The following PHACTR3 variants were observed in gnomAD, a reference collection of about 807,000 sequenced individuals.
The protein encoded by PHACTR3 is phosphatase and actin regulator 3, also known as protein phosphatase 1, regulatory subunit 123.
PHACTR3 carries 16 observed loss-of-function variants against 66.8 expected under a neutral mutation model. The observed-to-expected ratio is 0.24, with a 90% CI of 0.16 to 0.36. PHACTR3 has a LOEUF of 0.36. Among genes scored for constraint, PHACTR3 ranks in the 10% least tolerant of loss-of-function variants. PHACTR3 has a pLI of 1.00. For missense variants in PHACTR3, 647 were observed against 719.9 expected (o/e 0.90, Z 1.16); for synonymous variants, 323 against 292.1 (o/e 1.11, Z -1.08).
At chr20:59,579,338 C>G (rs2032800139) in intron 1 of PHACTR3, among the ~76,000 whole-genome samples, 1 of 152,172 alleles carries the variant, frequency 6.6e-6, no homozygotes, top group Non-Finnish European at 1.5e-5. Context: ...CCCACTTTCC[C>G]CAAGGAGAAA....
intron 1 of PHACTR3, among the ~76,000 whole-genome samples, chr20:59,652,748 T>C (rs929831108): frequency 2.6e-5 from 4 of 152,176 alleles, no homozygotes; most frequent in African/African-American, 4.8e-5. Flanking sequence ...GGAAATACCC[T>C]TGTAGACACG....
chr20:59,635,419 A>G (rs2034863224), intron 1 of PHACTR3, among the ~76,000 whole-genome samples: 1 of 151,194 alleles, frequency 6.6e-6, no homozygotes, highest in Non-Finnish European at 1.5e-5. Context: ...TATTTATTAG[A>G]GACGGGGTTT....
chr20:59,686,331 A>T (rs2036858107), intron 1 of PHACTR3, among the ~76,000 whole-genome samples: 1 of 152,204 alleles, frequency 6.6e-6, no homozygotes, highest in African/African-American at 2.4e-5. Context: ...ACAAAACCTC[A>T]GTCTCCTCAT....
intron 3 of PHACTR3, among the ~76,000 whole-genome samples, chr20:59,750,558 A>G (rs909984897): frequency 1.3e-5 from 2 of 152,116 alleles, no homozygotes; most frequent in Admixed American, 6.5e-5. Context: ...AGGAAGGAGG[A>G]AGCAGGAAAG....
At chr20:59,686,805 TGTG>T (rs1214854759) in intron 1 of PHACTR3, among the ~76,000 whole-genome samples, 9 of 54,660 alleles carry the variant, frequency 1.6e-4, no homozygotes, top group Non-Finnish European at 3.1e-4. Context: ...TGGTGATGAT[TGTG>T]ATGATGATGG....
chr20:59,752,076 G>A (rs534943432), intron 3 of PHACTR3, among the ~76,000 whole-genome samples: 17 of 152,362 alleles, frequency 1.1e-4, no homozygotes, highest in Non-Finnish European at 2.5e-4. Context: ...ACTCTGTGCT[G>A]TGTTCAGTGA....
At chr20:59,802,558 T>C (rs2041443672) in intron 7 of PHACTR3, among the ~76,000 whole-genome samples, 1 of 152,164 alleles carries the variant, frequency 6.6e-6, no homozygotes, top group Non-Finnish European at 1.5e-5. Context: ...AGATGGGACC[T>C]GATGAGACCG....
At chr20:59,833,594 G>A (rs1215697671) in intron 8 of PHACTR3, among the ~76,000 whole-genome samples, 7 of 152,166 alleles carry the variant, frequency 4.6e-5, no homozygotes, top group Admixed American at 2.6e-4. Context: ...GTGGACACTA[G>A]CCTCCAGGGA....
intron 1 of PHACTR3, among the ~76,000 whole-genome samples, chr20:59,727,889 C>T (rs1326957168): frequency 1.3e-5 from 2 of 152,240 alleles, no homozygotes; most frequent in African/African-American, 4.8e-5. Context: ...AAGAATACTG[C>T]ACCTGTAACA....
intron 1 of PHACTR3, among the ~76,000 whole-genome samples, chr20:59,629,541 T>C (rs1412315395): frequency 6.6e-6 from 1 of 152,182 alleles, no homozygotes; most frequent in Non-Finnish European, 1.5e-5. Flanking sequence ...GCAGGACCCG[T>C]CCCAGGACTC....
At chr20:59,666,031 G>A (rs1601042656) in intron 1 of PHACTR3, among the ~76,000 whole-genome samples, 1 of 152,112 alleles carries the variant, frequency 6.6e-6, no homozygotes, top group African/African-American at 2.4e-5. Context: ...GGGCCCAGGG[G>A]CTGGGACTTA....
At chr20:59,635,985 C>G (rs2034888823) in intron 1 of PHACTR3, among the ~76,000 whole-genome samples, 1 of 152,208 alleles carries the variant, frequency 6.6e-6, no homozygotes. Flanking sequence ...TCCTAAGAGA[C>G]TTTGATCAAT....
intron 7 of PHACTR3, among the ~76,000 whole-genome samples, chr20:59,784,731 T>C (rs982685982): frequency 2.0e-5 from 3 of 152,228 alleles, no homozygotes; most frequent in African/African-American, 7.2e-5. Context: ...CTCCTGGCTA[T>C]GTGGCCTTGG....
At chr20:59,769,288 G>C (rs1601312416) in intron 5 of PHACTR3, among the ~76,000 whole-genome samples, 1 of 152,178 alleles carries the variant, frequency 6.6e-6, no homozygotes, top group Non-Finnish European at 1.5e-5. Context: ...ACATGACCTT[G>C]TTTGGAATAA....
intron 1 of PHACTR3, among the ~76,000 whole-genome samples, chr20:59,589,106 G>A (rs1013468552): frequency 2.6e-5 from 4 of 152,206 alleles, no homozygotes; most frequent in Admixed American, 6.5e-5. Flanking sequence ...GTCCGTGACC[G>A]CAAACTGCAG....
At chr20:59,686,647 ATGATGATGGTGGTGATGATGATGG>A (rs1382378362) in intron 1 of PHACTR3, among the ~76,000 whole-genome samples, 3 of 142,054 alleles carry the variant, frequency 2.1e-5, no homozygotes, top group African/African-American at 8.0e-5. Flanking sequence ...GATGGTGGTG[ATGATGATGGTGGTGATGATGATGG>A]TGATGATGAT....
At chr20:59,610,862 C>T (rs2033825211) in intron 1 of PHACTR3, among the ~76,000 whole-genome samples, 1 of 152,240 alleles carries the variant, frequency 6.6e-6, no homozygotes, top group African/African-American at 2.4e-5. Context: ...CTTGAGCTCT[C>T]CTGCGGGAAG....
At chr20:59,768,261 A>T (rs978139844) in intron 5 of PHACTR3, among the ~76,000 whole-genome samples, 1 of 152,230 alleles carries the variant, frequency 6.6e-6, no homozygotes, top group Non-Finnish European at 1.5e-5. Context: ...TGATCAAGAG[A>T]TAATGACTTT....
intron 7 of PHACTR3, among the ~76,000 whole-genome samples, chr20:59,775,071 C>T (rs958238570): frequency 1.1e-4 from 12 of 108,866 alleles, no homozygotes; most frequent in Non-Finnish European, 1.5e-4. Flanking sequence ...TATTTGTCCT[C>T]ATGGTGCGTT....
Sources: allele counts gnomAD v4.1 joint callset (sites outside exome capture counted in the v4.1 genomes callset), GRCh38; gene constraint gnomAD v4.1.1; transcripts MANE v1.5; gene names NCBI Gene and HGNC (gene_info 2026-07-23, HGNC 2026-07-21).